Variants in ADAMDEC1 observed in about 807,000 individuals in gnomAD.
ADAMDEC1 encodes ADAM DEC1.
ADAMDEC1 carries 62 observed loss-of-function variants against 60.4 expected under a neutral mutation model. The ratio of observed to expected loss-of-function variants is 1.03; its 90% confidence interval spans 0.84 to 1.27. ADAMDEC1 has a LOEUF of 1.27. ADAMDEC1 is among the 50% of genes most tolerant of loss of function. The probability of loss-of-function intolerance (pLI) is 0.00; values close to 1 mark genes in which losing one functional copy is unlikely to be tolerated. For missense variants in ADAMDEC1, 595 were observed against 565.0 expected (o/e 1.05, Z -0.54); for synonymous variants, 210 against 195.1 (o/e 1.08, Z -0.64).
chr8:24,386,307 T>C (rs1441191182), intron 1 of ADAMDEC1, among the ~76,000 whole-genome samples: 1 of 152,228 alleles, frequency 6.6e-6, no homozygotes, highest in Non-Finnish European at 1.5e-5. Flanking sequence ...TCTTTCAATC[T>C]CACAACTTTC....
chr8:24,394,885 A>G (rs1339151240), intron 4 of ADAMDEC1, among the ~76,000 whole-genome samples: 1 of 152,234 alleles, frequency 6.6e-6, no homozygotes, highest in East Asian at 1.9e-4. Flanking sequence ...TTAATAGCTG[A>G]TGATACATTA....
At position 24,405,496 on chromosome 8, in the gene ADAMDEC1, T is replaced by G. The variant is rs745857820; in HGVS notation, c.*198T>G. ...GCTCTTTGTTTAGGCCTAATCTTTC[T>G]TTTTACTTTTTTTTTTCTTTTTTCT... On this transcript the variant is annotated 3_prime_UTR_variant, in exon 14 of 14. Transcript: ENST00000256412. 251 of 501,290 alleles carry G rather than the reference T, an allele frequency of 5.0e-4. No homozygotes were observed. The highest frequency in any genetic ancestry group is 7.1e-4 in the Non-Finnish European group (204 of 288,970). 31.1% of individuals were successfully genotyped at this position (501,290 alleles called of 1,614,324 possible).
Position 24,401,937 on chromosome 8 carries a change from A to G in ADAMDEC1, c.1165A>G (p.Ser389Gly). The G allele has an allele frequency of 1.2e-6, 2 of 1,611,364 alleles. No individual in the cohort carries two copies. Among genetic ancestry groups the G allele is most frequent in the Non-Finnish European group, 1.7e-6 (2 of 1,179,280 alleles). ...YLSSKFPKDF[S>G]TSCRAHFERY... ...CAGTTCAAAATTCCCAAAGGATTTC[A>G]GTACATCTTGCCGTGCACATTTTGA... The change falls in exon 12 of 14, where the codon AGT becomes GGT. Residue 389 changes from serine to glycine, a missense_variant. By Grantham distance (56) the Ser-to-Gly change is moderately conservative. Transcript: ENST00000256412.
Position 24,405,450 on chromosome 8 carries a change from C to A in ADAMDEC1, c.*152C>A. ...GTTATCAGTCCAGGAAACAGGTAAACAGATGTAATTAGAGACATTGGCTCT... is the reference window on the plus strand; with the variant it reads ...GTTATCAGTCCAGGAAACAGGTAAAAAGATGTAATTAGAGACATTGGCTCT... On this transcript the variant is annotated 3_prime_UTR_variant, in exon 14 of 14. Transcript: ENST00000256412. 1.3e-6 allele frequency: 1 copy of A among 770,056 alleles called. No homozygotes were observed. The highest frequency in any genetic ancestry group is 2.1e-6 in the Non-Finnish European group (1 of 484,690). 47.7% of individuals were successfully genotyped at this position (770,056 alleles called of 1,614,324 possible). A position where few individuals can be genotyped will look rare whatever the true frequency, so the allele number is the denominator to read the frequency against.
chr8:24,399,122 A>G, intron 9 of ADAMDEC1, 82 bp downstream of exon 9: 1 of 1,441,994 alleles, frequency 6.9e-7, no homozygotes, highest in Non-Finnish European at 9.4e-7. Context: ...CCACTCTGTA[A>G]TATTTCCCTG....
chr8:24,394,892 A>G (rs1462132239), intron 4 of ADAMDEC1, among the ~76,000 whole-genome samples: 1 of 152,242 alleles, frequency 6.6e-6, no homozygotes, highest in Non-Finnish European at 1.5e-5. Context: ...CTGATGATAC[A>G]TTAATGAGGA....
intron 1 of ADAMDEC1, 78 bp downstream of exon 1, chr8:24,384,670 T>A: frequency 7.5e-7 from 1 of 1,328,510 alleles, no homozygotes; most frequent in African/African-American, 1.5e-5. Context: ...TGAAAAAAAA[T>A]GGCATATGTT....
At chr8:24,396,124 G>C (rs1817603670) in intron 5 of ADAMDEC1, among the ~76,000 whole-genome samples, 1 of 152,186 alleles carries the variant, frequency 6.6e-6, no homozygotes, top group South Asian at 2.1e-4. Context: ...AATGGTCACA[G>C]TTGAACTTAA....
chr8:24,405,438 G>C lies in ADAMDEC1; in HGVS notation c.*140G>C, dbSNP rs754130951. ...ACTTTCTATATTGTTATCAGTCCAG[G>C]AAACAGGTAAACAGATGTAATTAGA... On this transcript the variant is annotated 3_prime_UTR_variant, in exon 14 of 14. Coordinates refer to ENST00000256412, the MANE Select transcript of ADAMDEC1 (RefSeq NM_014479.3). 55 of 918,768 alleles carry C rather than the reference G, an allele frequency of 6.0e-5. 1 individual carries two copies. In the Middle Eastern group the frequency reaches 6.6e-4, roughly 11 times the overall value. The allele number at this position is 918,768 out of a possible 1,614,324, so 56.9% of individuals were successfully genotyped here. A position where few individuals can be genotyped will look rare whatever the true frequency, so the allele number is the denominator to read the frequency against.
chr8:24,399,275 G>T, intron 9 of ADAMDEC1, 118 bp from the exon 10 acceptor site: 2 of 1,139,400 alleles, frequency 1.8e-6, no homozygotes, highest in Non-Finnish European at 1.3e-6. Flanking sequence ...GAAGTTTTTT[G>T]GGGCCTAGTG....
At chr8:24,396,444 G>A (rs1166019809) in intron 5 of ADAMDEC1, among the ~76,000 whole-genome samples, 1 of 152,076 alleles carries the variant, frequency 6.6e-6, no homozygotes, top group Admixed American at 6.5e-5. Context: ...CCCAGGAGGC[G>A]GAGCTTGCAA....
intron 1 of ADAMDEC1, among the ~76,000 whole-genome samples, chr8:24,391,832 G>C (rs1252500475): frequency 6.6e-6 from 1 of 151,708 alleles, no homozygotes; most frequent in Non-Finnish European, 1.5e-5. Flanking sequence ...GAGGGAAAAG[G>C]GTATAAAAAA....
chr8:24,395,710 T>C lies in ADAMDEC1; in HGVS notation c.364-10T>C. ...CATTTCTGAAGCATAATTTCTTTTT[T>C]CCACTCCAGGAACACTGTTACTATA... On this transcript the variant is annotated splice_polypyrimidine_tract_variant and intron_variant, in intron 4 of 13. Coordinates refer to ENST00000256412, the MANE Select transcript of ADAMDEC1 (RefSeq NM_014479.3). The C allele has an allele frequency of 6.2e-7, 1 of 1,603,814 alleles. No individual in the cohort carries two copies. Among genetic ancestry groups the C allele is most frequent in the Non-Finnish European group, 8.5e-7 (1 of 1,172,694 alleles).
chr8:24,386,675 G>C (rs7010329), intron 1 of ADAMDEC1, among the ~76,000 whole-genome samples: 3,551 of 152,146 alleles, frequency 0.023, 137 homozygotes, highest in African/African-American at 0.082. Context: ...CCTTCCTACT[G>C]TATCTATTCC....
chr8:24,399,162 C>T, intron 9 of ADAMDEC1, 122 bp downstream of exon 9: 1 of 1,168,708 alleles, frequency 8.6e-7, no homozygotes, highest in Middle Eastern at 2.4e-4. Context: ...GACATTTTAC[C>T]ACTAGCAATT....
chr8:24,394,061 C>G lies in ADAMDEC1; in HGVS notation c.285-8C>G. On this transcript the variant is annotated splice_region_variant and splice_polypyrimidine_tract_variant and intron_variant, in intron 3 of 13. Transcript: ENST00000256412. ...TGAGTGGTCCATGCAGCTCTCTGCT[C>G]TCTACAGGCACCTCCTGGGGCCAGA... 6.2e-7 allele frequency: 1 copy of G among 1,607,162 alleles called. No homozygotes were observed. The highest frequency in any genetic ancestry group is 2.2e-5 in the East Asian group (1 of 44,752).
At chr8:24,389,463 T>C (rs1042884193) in intron 1 of ADAMDEC1, among the ~76,000 whole-genome samples, 1 of 152,192 alleles carries the variant, frequency 6.6e-6, no homozygotes, top group African/African-American at 2.4e-5. Context: ...ACCACCTCTG[T>C]CTTACATTAC....
At chr8:24,385,771 T>C (rs1331982900) in intron 1 of ADAMDEC1, among the ~76,000 whole-genome samples, 1 of 152,150 alleles carries the variant, frequency 6.6e-6, no homozygotes, top group East Asian at 1.9e-4. Context: ...GGCTAAATCA[T>C]ATATAACTGC....
At chr8:24,392,749 G>C (rs1388149907) in intron 2 of ADAMDEC1, among the ~76,000 whole-genome samples, 2 of 152,160 alleles carry the variant, frequency 1.3e-5, no homozygotes, top group East Asian at 3.9e-4. Flanking sequence ...TTTGTCAATA[G>C]TGAAAAATTA....
Sources: gnomAD v4.1 joint callset for allele counts (sites outside exome capture counted in the v4.1 genomes callset) on GRCh38, gnomAD v4.1.1 for gene constraint, MANE v1.5 for transcripts, NCBI Gene and HGNC (gene_info 2026-07-23, HGNC 2026-07-21) for gene names.